VSTM4: variants seen among roughly 807,000 people sequenced by gnomAD.
VSTM4 encodes the protein V-set and transmembrane domain-containing protein 4.
VSTM4 carries 20 observed loss-of-function variants against 36.4 expected under a neutral mutation model. The ratio of observed to expected loss-of-function variants is 0.55; its 90% CI spans 0.39 to 0.80. The LOEUF (loss-of-function observed/expected upper bound fraction) is 0.80, where lower values mean the gene tolerates loss of function less well. Ranked by LOEUF, VSTM4 falls within the 30% of genes least tolerant of loss-of-function variation. The pLI is 0.00. For synonymous variants in VSTM4, 182 were observed against 173.9 expected, an observed-to-expected ratio of 1.05 and a Z score of -0.37; for missense variants, 392 against 404.5, an observed-to-expected ratio of 0.97 and a Z score of 0.26.
intron 2 of VSTM4, among the ~76,000 whole-genome samples, chr10:49,090,641 T>C (rs1199580977): frequency 6.6e-6 from 1 of 152,180 alleles, no homozygotes; most frequent in Non-Finnish European, 1.5e-5. Context: ...TCACCCCTGG[T>C]GGACAAGGAA....
intron 2 of VSTM4, among the ~76,000 whole-genome samples, chr10:49,091,695 C>T (rs1484363277): frequency 6.6e-6 from 1 of 152,170 alleles, no homozygotes; most frequent in Non-Finnish European, 1.5e-5. Context: ...TTCGGGGTCC[C>T]CCATTCACCA....
chr10:49,107,556 C>G, intron 2 of VSTM4, 38 bp downstream of exon 2: 7 of 1,562,448 alleles, frequency 4.5e-6, no homozygotes, highest in Non-Finnish European at 5.2e-6. Flanking sequence ...CTGGCCTGCC[C>G]CACCACCACC....
intron 5 of VSTM4, among the ~76,000 whole-genome samples, chr10:49,056,454 G>C (rs375516875): frequency 6.6e-6 from 1 of 152,238 alleles, no homozygotes; most frequent in Non-Finnish European, 1.5e-5. Context: ...CCCACTCCCT[G>C]TTCAGCTTCA....
chr10:49,032,763 A>G (rs1843365822), intron 7 of VSTM4, among the ~76,000 whole-genome samples: 1 of 152,170 alleles, frequency 6.6e-6, no homozygotes. Flanking sequence ...CACTCTAGCA[A>G]GAACACCTGG....
intron 3 of VSTM4, among the ~76,000 whole-genome samples, chr10:49,082,222 A>G (rs939679896): frequency 6.6e-6 from 1 of 152,226 alleles, no homozygotes; most frequent in Non-Finnish European, 1.5e-5. Flanking sequence ...TTTTATGTAA[A>G]AATCTCTCTA....
chr10:49,115,453 C>T lies in VSTM4; in HGVS notation c.33G>A (p.Leu11=), dbSNP rs1434355774. The change falls in exon 1 of 8, where the codon CTG becomes CTA. Residue 11 remains leucine, a synonymous_variant. Coordinates refer to ENST00000332853, the MANE Select transcript of VSTM4 (RefSeq NM_001031746.5). Reference sequence around the variant, plus strand: ...TACCCGGAGCCGGAGCCCGCGCCAGCAGCGCGGCCGCCGCCAGTGCCAGCA... The same window carrying T: ...TACCCGGAGCCGGAGCCCGCGCCAGTAGCGCGGCCGCCGCCAGTGCCAGCA... MRLLALAAAA[L]LARAPAPEVC... is the part of the protein sequence containing the mutation. The T allele has an allele frequency of 1.9e-6, 2 of 1,041,438 alleles. No individual in the cohort carries two copies. The highest frequency in any genetic ancestry group is 2.3e-6 in the Non-Finnish European group (2 of 861,048). 64.5% of individuals were successfully genotyped at this position (1,041,438 alleles called of 1,614,324 possible). A position where few individuals can be genotyped will look rare whatever the true frequency, so the allele number is the denominator to read the frequency against.
chr10:49,033,975 C>CACCATCATCATCACCATCATCACCATT (rs1843386575), intron 7 of VSTM4, among the ~76,000 whole-genome samples: 1 of 152,120 alleles, frequency 6.6e-6, no homozygotes, highest in East Asian at 1.9e-4. Flanking sequence ...CCACCATAAT[C>CACCATCATCATCACCATCATCACCATT]ACCATCATCA....
At chr10:49,082,178 A>G (rs529424442) in intron 3 of VSTM4, among the ~76,000 whole-genome samples, 1 of 152,330 alleles carries the variant, frequency 6.6e-6, no homozygotes, top group Admixed American at 6.5e-5. Flanking sequence ...ATGCCCGCCC[A>G]GTGGTGCCAG....
chr10:49,102,668 G>A (rs1844690124), intron 2 of VSTM4: 2 of 985,262 alleles, frequency 2.0e-6, no homozygotes, highest in South Asian at 9.4e-5. Context: ...GGGAAAGAGA[G>A]GTAAGGCATC....
chr10:49,062,281 A>C (rs1046221505), intron 5 of VSTM4, among the ~76,000 whole-genome samples: 1 of 151,878 alleles, frequency 6.6e-6, no homozygotes, highest in African/African-American at 2.4e-5. Flanking sequence ...TGCTCTTTCC[A>C]TTATTCCTTC....
intron 3 of VSTM4, among the ~76,000 whole-genome samples, chr10:49,078,651 G>A (rs575569071): frequency 2.0e-5 from 3 of 152,276 alleles, no homozygotes; most frequent in South Asian, 4.1e-4. Flanking sequence ...TAAGAAGGGG[G>A]TGGTGGTGAG....
Position 49,036,098 on chromosome 10 carries a change from G to T in VSTM4, c.837+10885C>A, listed in dbSNP as rs571974129. Among the ~76,000 whole-genome samples the T allele has an allele frequency of 6.6e-5, 10 of 152,292 alleles. 1 individual carries two copies. Among genetic ancestry groups the T allele is most frequent in the Middle Eastern group, 6.8e-3 (2 of 294 alleles). On this transcript the variant is annotated intron_variant, in intron 7 of 7. Coordinates refer to ENST00000332853, the MANE Select transcript of VSTM4 (RefSeq NM_001031746.5). Reference sequence around the variant, plus strand: ...CAGGATATTCTCACTTCCAGTGTGGGAGAGATATGATCTTGATCACATCCA... The same window carrying T: ...CAGGATATTCTCACTTCCAGTGTGGTAGAGATATGATCTTGATCACATCCA...
At chr10:49,060,904 T>C (rs1371258487) in intron 5 of VSTM4, among the ~76,000 whole-genome samples, 1 of 152,228 alleles carries the variant, frequency 6.6e-6, no homozygotes, top group Non-Finnish European at 1.5e-5. Context: ...GTCCCAGCAC[T>C]GTCTGTCAAA....
chr10:49,102,015 G>A (rs1333703446), intron 2 of VSTM4, among the ~76,000 whole-genome samples: 1 of 152,104 alleles, frequency 6.6e-6, no homozygotes, highest in East Asian at 1.9e-4. Context: ...ATGTCAATAG[G>A]AAAGAGATTT....
At chr10:49,098,350 A>G (rs893814793) in intron 2 of VSTM4, among the ~76,000 whole-genome samples, 3 of 152,222 alleles carry the variant, frequency 2.0e-5, no homozygotes, top group Non-Finnish European at 4.4e-5. Context: ...GCTGCTACAC[A>G]TATTTACAGA....
At chr10:49,042,987 G>C (rs150054643) in intron 7 of VSTM4, among the ~76,000 whole-genome samples, 3 of 152,156 alleles carry the variant, frequency 2.0e-5, no homozygotes, top group African/African-American at 2.4e-5. Context: ...TGGGTACATG[G>C]GCCCTGACAC....
intron 4 of VSTM4, among the ~76,000 whole-genome samples, chr10:49,070,526 G>A (rs1170673998): frequency 6.6e-6 from 1 of 152,190 alleles, no homozygotes; most frequent in African/African-American, 2.4e-5. Flanking sequence ...GGGCACCCCA[G>A]GAAGGATGAG....
At chr10:49,025,940 G>C (rs1388152771) in intron 7 of VSTM4, among the ~76,000 whole-genome samples, 3 of 152,202 alleles carry the variant, frequency 2.0e-5, no homozygotes, top group Admixed American at 1.3e-4. Context: ...CACATTTCAT[G>C]CTGGGGATGT....
chr10:49,082,900 C>T (rs1397921337), intron 3 of VSTM4, among the ~76,000 whole-genome samples: 1 of 152,232 alleles, frequency 6.6e-6, no homozygotes, highest in East Asian at 1.9e-4. Context: ...AGCAGCTGCC[C>T]ATGCAGAGAC....
Sources: gnomAD v4.1 joint callset for allele counts (sites outside exome capture counted in the v4.1 genomes callset) on GRCh38, gnomAD v4.1.1 for gene constraint, MANE v1.5 for transcripts, NCBI Gene and HGNC (gene_info 2026-07-23, HGNC 2026-07-21) for gene names.